Variants in GABRB2 observed in about 807,000 individuals in gnomAD.
GABRB2 encodes gamma-aminobutyric acid receptor subunit beta-2.
Under a neutral mutation model 54.7 loss-of-function variants are expected in GABRB2, and 16 were observed. That is an observed-to-expected ratio of 0.29 (90% CI 0.20 to 0.44). The LOEUF is 0.44. Ranked by LOEUF, GABRB2 falls within the 20% of genes least tolerant of loss-of-function variation. The pLI, the probability that GABRB2 is intolerant of heterozygous loss-of-function variation, is 1.00. For missense variants in GABRB2, 355 were observed against 644.0 expected (o/e 0.55, Z 4.86); for synonymous variants, 244 against 233.8 (o/e 1.04, Z -0.40).
intron 5 of GABRB2, among the ~76,000 whole-genome samples, chr5:161,399,654 C>A (rs1413537540): frequency 6.6e-6 from 1 of 152,170 alleles, no homozygotes; most frequent in Non-Finnish European, 1.5e-5. Flanking sequence ...TCAATAATTC[C>A]TTAGCCCATA....
At chr5:161,312,050 C>T (rs891647975) in intron 9 of GABRB2, among the ~76,000 whole-genome samples, 1 of 151,614 alleles carries the variant, frequency 6.6e-6, no homozygotes, top group African/African-American at 2.4e-5. Flanking sequence ...GTGTGCTCCC[C>T]TTTCAGAATG....
At chr5:161,465,424 G>T (rs549563535) in intron 3 of GABRB2, among the ~76,000 whole-genome samples, 1 of 151,970 alleles carries the variant, frequency 6.6e-6, no homozygotes, top group Non-Finnish European at 1.5e-5. Flanking sequence ...CCATTTCTAG[G>T]GATGAAATAA....
intron 5 of GABRB2, among the ~76,000 whole-genome samples, chr5:161,339,514 T>C (rs1754089966): frequency 6.6e-6 from 1 of 152,066 alleles, no homozygotes; most frequent in African/African-American, 2.4e-5. Flanking sequence ...TTCCAGATAA[T>C]TCTATTGTAG....
intron 9 of GABRB2, among the ~76,000 whole-genome samples, chr5:161,324,333 A>G (rs1248465814): frequency 1.3e-5 from 2 of 152,172 alleles, no homozygotes; most frequent in Non-Finnish European, 2.9e-5. Flanking sequence ...TTTTGTAATC[A>G]GAATAATAGT....
At chr5:161,313,383 T>A (rs77261381) in intron 9 of GABRB2, among the ~76,000 whole-genome samples, 27 of 152,268 alleles carry the variant, frequency 1.8e-4, no homozygotes, top group Admixed American at 1.4e-3. Context: ...TACGTTTTTT[T>A]CAGATGGAAT....
intron 3 of GABRB2, among the ~76,000 whole-genome samples, chr5:161,509,693 T>G (rs1466617613): frequency 6.6e-6 from 1 of 151,912 alleles, no homozygotes; most frequent in Non-Finnish European, 1.5e-5. Context: ...ATTTTACACT[T>G]AGAATGAGAT....
rs73797569 is a variant in GABRB2, at chr5:161,326,104, C to T, written c.1191+264G>A. 4.2e-3 allele frequency among the ~76,000 whole-genome samples: 634 copies of T among 152,156 alleles called. 7 individuals carry two copies. The highest frequency in any genetic ancestry group is 0.013 in the African/African-American group (558 of 41,532). On this transcript the variant is annotated intron_variant, in intron 9 of 9. Transcript: ENST00000393959. ...ACAAATGAAAAGGATTCTCAAAATACGATCCATTTAATTTCTTTCCCTAAC... is the reference window on the plus strand; with the variant it reads ...ACAAATGAAAAGGATTCTCAAAATATGATCCATTTAATTTCTTTCCCTAAC...
intron 9 of GABRB2, among the ~76,000 whole-genome samples, chr5:161,323,073 G>A (rs1225987248): frequency 6.8e-6 from 1 of 146,554 alleles, no homozygotes; most frequent in Admixed American, 6.9e-5. Context: ...CATCCAGGCT[G>A]GAGTGCAGTG....
intron 5 of GABRB2, among the ~76,000 whole-genome samples, chr5:161,393,075 C>A (rs10476353): frequency 6.6e-6 from 1 of 151,178 alleles, no homozygotes; most frequent in African/African-American, 2.4e-5. Flanking sequence ...TTACACAGAT[C>A]TTTTTTTTAA....
chr5:161,450,683 C>T (rs1272128038), intron 4 of GABRB2, among the ~76,000 whole-genome samples: 4 of 152,100 alleles, frequency 2.6e-5, no homozygotes, highest in East Asian at 3.9e-4. Flanking sequence ...AATTACTTCC[C>T]GCTCTGAGCC....
chr5:161,531,051 G>A (rs1181351450), intron 3 of GABRB2, among the ~76,000 whole-genome samples: 1 of 152,134 alleles, frequency 6.6e-6, no homozygotes, highest in Non-Finnish European at 1.5e-5. Context: ...AAGTCCTGAA[G>A]TTTCTTTGTC....
At position 161,330,917 on chromosome 5, in the gene GABRB2, G is replaced by T. The variant is rs750967511; in HGVS notation, c.1043C>A (p.Ala348Asp). The T allele has an allele frequency of 2.5e-6, 4 of 1,614,188 alleles. No individual in the cohort carries two copies. The East Asian group carries it at 8.9e-5, about 36-fold the overall frequency. The change falls in exon 8 of 10, where the codon GCC becomes GAC. Residue 348 changes from alanine (A) to aspartate (D), a missense_variant. Coordinates refer to ENST00000393959, the MANE Select transcript of GABRB2 (RefSeq NM_001371727.1). The stretch of plus-strand genomic sequence containing the variant: ...ATCCAGGCGCATCTTCTCATTGTTG[G>T]CACTGGCAGCCTTCTCAGCTGCTTT... ...QKKAAEKAAS[A>D]NNEKMRLDVN...
At chr5:161,316,122 T>G (rs944393947) in intron 9 of GABRB2, among the ~76,000 whole-genome samples, 1 of 152,114 alleles carries the variant, frequency 6.6e-6, no homozygotes, top group Non-Finnish European at 1.5e-5. Flanking sequence ...ACAATGAGTA[T>G]CTTAGAGCTA....
At chr5:161,460,777 T>C (rs986959156) in intron 3 of GABRB2, among the ~76,000 whole-genome samples, 2 of 152,106 alleles carry the variant, frequency 1.3e-5, no homozygotes, top group Admixed American at 6.6e-5. Context: ...AAACAAAGCA[T>C]AGATAAATCA....
At position 161,384,055 on chromosome 5, in the gene GABRB2, T is replaced by A. The variant is rs1580937000; in HGVS notation, c.541+26920A>T. On this transcript the variant is annotated intron_variant, in intron 5 of 9. Transcript: ENST00000393959. ...GGCATGAGCCACTACAACTGGGCCA[T>A]ATAGACGATTTCTAAGGTCCATTGT... is the stretch of plus-strand genomic sequence containing the variant. 3.9e-5 allele frequency among the ~76,000 whole-genome samples: 6 copies of A among 152,266 alleles called. 1 individual carries two copies. Among genetic ancestry groups the A allele is most frequent in the Admixed American group, 3.9e-4 (6 of 15,300 alleles).
chr5:161,401,749 C>T (rs181905312), intron 5 of GABRB2, among the ~76,000 whole-genome samples: 1 of 152,244 alleles, frequency 6.6e-6, no homozygotes, highest in African/African-American at 2.4e-5. Flanking sequence ...TAGAAAATTT[C>T]CTATGGCACA....
chr5:161,473,486 G>A (rs1201236989), intron 3 of GABRB2, among the ~76,000 whole-genome samples: 1 of 151,930 alleles, frequency 6.6e-6, no homozygotes, highest in East Asian at 1.9e-4. Context: ...AAGAGCATAG[G>A]AACACAAATT....
intron 9 of GABRB2, among the ~76,000 whole-genome samples, chr5:161,309,674 A>G (rs1300747587): frequency 4.0e-5 from 6 of 150,726 alleles, no homozygotes; most frequent in African/African-American, 1.5e-4. Flanking sequence ...TCTGTTGCTC[A>G]GGCTGGAGTG....
chr5:161,539,689 C>T (rs775798888), intron 3 of GABRB2, among the ~76,000 whole-genome samples: 15 of 152,096 alleles, frequency 9.9e-5, no homozygotes, highest in African/African-American at 1.7e-4. Flanking sequence ...TGTTCATAGA[C>T]GACCAATAAA....
Sources: gnomAD v4.1 joint callset for allele counts (sites outside exome capture counted in the v4.1 genomes callset) on GRCh38, gnomAD v4.1.1 for gene constraint, MANE v1.5 for transcripts, NCBI Gene and HGNC (gene_info 2026-07-23, HGNC 2026-07-21) for gene names.